Variants in TEF observed in about 807,000 individuals in gnomAD.
TEF encodes the protein TEF transcription factor, PAR bZIP family member.
TEF carries 3 observed loss-of-function variants against 20.8 expected under a neutral mutation model. The ratio of observed to expected loss-of-function variants is 0.14; its 90% CI spans 0.07 to 0.37. The LOEUF (loss-of-function observed/expected upper bound fraction) is 0.37, where lower values mean the gene tolerates loss of function less well. Ranked by LOEUF, TEF falls within the 10% of genes least tolerant of loss-of-function variation. TEF has a pLI of 1.00. For synonymous variants in TEF, 180 were observed against 171.1 expected (o/e 1.05, Z -0.41); for missense variants, 296 against 397.9 (o/e 0.74, Z 2.18).
chr22:41,377,569 G>C (rs1043759418), upstream of TEF, among the ~76,000 whole-genome samples: 1 of 152,214 alleles, frequency 6.6e-6, no homozygotes, highest in African/African-American at 2.4e-5. Flanking sequence ...CCACTTTAGT[G>C]ATAGGAGACA....
chr22:41,386,795 T>G (rs1427425547), intron 1 of TEF, among the ~76,000 whole-genome samples: 2 of 152,026 alleles, frequency 1.3e-5, no homozygotes, highest in East Asian at 3.9e-4. Flanking sequence ...GGCTCATGCC[T>G]GTAATCCCAG....
At chr22:41,392,558 C>T (rs561680974) in intron 2 of TEF, among the ~76,000 whole-genome samples, 2 of 150,512 alleles carry the variant, frequency 1.3e-5, no homozygotes, top group East Asian at 3.9e-4. Context: ...CCAGTAGTCC[C>T]AGCTACTTGG....
At chr22:41,387,981 C>G (rs1244377181) in intron 2 of TEF, among the ~76,000 whole-genome samples, 1 of 90,518 alleles carries the variant, frequency 1.1e-5, no homozygotes, top group Non-Finnish European at 2.3e-5. Context: ...CTCAATGCTG[C>G]TCTTTTTTTT....
At chr22:41,376,983 A>G (rs2036949721), upstream of TEF, among the ~76,000 whole-genome samples, 1 of 152,202 alleles carries the variant, frequency 6.6e-6, no homozygotes, top group Non-Finnish European at 1.5e-5. Context: ...TAAAGAAACC[A>G]GTGTGGTCTT....
chr22:41,374,861 C>G (rs911540661), intron 1 of TEF, among the ~76,000 whole-genome samples: 1 of 151,992 alleles, frequency 6.6e-6, no homozygotes, highest in Non-Finnish European at 1.5e-5. Flanking sequence ...CTTGTTGTTT[C>G]AAGGGTAGCA....
At chr22:41,382,936 C>G in intron 1 of TEF, 2 of 471,010 alleles carry the variant, frequency 4.2e-6, no homozygotes, top group South Asian at 3.1e-5. Flanking sequence ...CAGGACTGAG[C>G]TTCATCTTTT....
At chr22:41,377,474 G>A (rs575868463), upstream of TEF, among the ~76,000 whole-genome samples, 25 of 152,010 alleles carry the variant, frequency 1.6e-4, no homozygotes, top group Non-Finnish European at 3.1e-4. Context: ...TTTCTTTGTC[G>A]GGCTCACAAA....
At chr22:41,394,027 TG>T in intron 2 of TEF, 68 bp from the exon 3 acceptor site, 1 of 1,445,214 alleles carries the variant, frequency 6.9e-7, no homozygotes, top group Non-Finnish European at 9.6e-7. Context: ...ACCAGGTGTC[TG>T]GGTGTGTGGC....
In TEF at chr22:41,369,230, G is replaced by A. The variant is rs767129091; in HGVS notation, c.67+1631G>A. 7 of 985,334 alleles carry A rather than the reference G, an allele frequency of 7.1e-6. No homozygotes were observed. In the African/African-American group the frequency reaches 1.0e-4, roughly 15 times the overall value. 61.0% of individuals were successfully genotyped at this position (985,334 alleles called of 1,614,324 possible). ...CCGGTCTCTGGCTCCCAGCTGGTCT[G>A]TGGGGCCCTGCAATAGCCGAAAAGT... On this transcript the variant is annotated intron_variant, in intron 1 of 3. Transcript: ENST00000406644.
intron 1 of TEF, among the ~76,000 whole-genome samples, chr22:41,372,374 C>T (rs1261286659): frequency 2.0e-5 from 3 of 152,168 alleles, no homozygotes; most frequent in Non-Finnish European, 2.9e-5. Context: ...TGCTGCAGGA[C>T]GGGCTCCTGA....
At chr22:41,385,960 C>T (rs527962666) in intron 1 of TEF, among the ~76,000 whole-genome samples, 11 of 150,836 alleles carry the variant, frequency 7.3e-5, no homozygotes, top group African/African-American at 2.2e-4. Context: ...GCTGGGATTA[C>T]AGGTGTGAGC....
At position 41,375,489 on chromosome 22, in the gene TEF, G is replaced by A. The variant is rs547994958; in HGVS notation, c.67+7890G>A. On this transcript the variant is annotated intron_variant, in intron 1 of 3. Coordinates refer to the TEF transcript ENST00000406644. ...AATGCGGCCGGGCGTGGTGGCACAC[G>A]CCTGTAATCCCAGCACTTTGGGAGG... Among the ~76,000 whole-genome samples the A allele has an allele frequency of 9.2e-5, 14 of 152,316 alleles. No individual in the cohort carries two copies. In the South Asian group the frequency reaches 1.2e-3, roughly 14 times the overall value.
intron 1 of TEF, among the ~76,000 whole-genome samples, chr22:41,372,644 C>T (rs1374602888): frequency 2.0e-5 from 3 of 152,168 alleles, no homozygotes; most frequent in African/African-American, 7.2e-5. Flanking sequence ...CACCCAGCCA[C>T]TCATCACGTG....
At chr22:41,395,566 GCC>G (rs2037217234) in intron 3 of TEF, among the ~76,000 whole-genome samples, 177 bp from the exon 4 acceptor site, 1 of 152,032 alleles carries the variant, frequency 6.6e-6, no homozygotes, top group Non-Finnish European at 1.5e-5. Flanking sequence ...TTCTCGTCCT[GCC>G]CCCGAGGAAA....
rs1454306451 is a variant in TEF at position 41,395,874 on chromosome 22, C to T, written c.826C>T (p.Arg276Trp). 3.1e-6 allele frequency: 5 copies of T among 1,614,206 alleles called. No individual in the cohort carries two copies. Among genetic ancestry groups the T allele is most frequent in the Admixed American group, 1.7e-5 (1 of 60,032 alleles). The change falls in exon 4 of 4, where the codon CGG (arginine) becomes TGG (tryptophan). Residue 276 changes from arginine (R) to tryptophan (W), a missense_variant. Arg to Trp is a moderately radical substitution (Grantham distance 101). Around this residue, in one of 2 missense-constraint regions of TEF, gnomAD observed 194 missense variants for 317.8 expected, o/e 0.61. Transcript: ENST00000266304. ...CCTGGAGAAGGAGAACACAGCCCTG[C>T]GGACGGAGGTGGCCGAGCTACGCAA... Reference protein sequence around the residue: ...AFLEKENTALRTEVAELRKEV... With the variant: ...AFLEKENTALWTEVAELRKEV...
At chr22:41,368,270 C>T (rs1173549432) in intron 1 of TEF, among the ~76,000 whole-genome samples, 1 of 151,654 alleles carries the variant, frequency 6.6e-6, no homozygotes, top group African/African-American at 2.4e-5. Flanking sequence ...AATCTCTCTC[C>T]AAATCTCTTC....
Position 41,396,022 on chromosome 22 carries a change from T to C in TEF, c.*62T>C, listed in dbSNP as rs2037223505. 1.7e-5 allele frequency: 27 copies of C among 1,545,698 alleles called. No individual in the cohort carries two copies. The highest frequency in any genetic ancestry group is 2.4e-5 in the Non-Finnish European group (27 of 1,132,612). On this transcript the variant is annotated 3_prime_UTR_variant, in exon 4 of 4. Coordinates refer to ENST00000266304, the MANE Select transcript of TEF (RefSeq NM_003216.4). ...CTCAGACCTCTGCCTGGGGGCTCCCTGTAACCCCTCACACGCGTGGAGACT... is the reference window on the plus strand; with the variant it reads ...CTCAGACCTCTGCCTGGGGGCTCCCCGTAACCCCTCACACGCGTGGAGACT...
At chr22:41,379,779 G>C (rs1216961874), upstream of TEF, among the ~76,000 whole-genome samples, 2 of 151,172 alleles carry the variant, frequency 1.3e-5, no homozygotes, top group African/African-American at 2.4e-5. Flanking sequence ...TGTAATCCCA[G>C]CTATTCGGGA....
rs768523520 is a variant in TEF, at chr22:41,396,939, A to G, written c.*979A>G. On this transcript the variant is annotated 3_prime_UTR_variant, in exon 4 of 4. Coordinates refer to ENST00000266304, the MANE Select transcript of TEF (RefSeq NM_003216.4). ...GAAAATGCCTCCACAGCCCCCTTCC[A>G]CCATGGGCATGAGAGCTGGGGTGTG... 4.0e-5 allele frequency: 16 copies of G among 398,252 alleles called. No homozygotes were observed. Among genetic ancestry groups the G allele is most frequent in the African/African-American group, 6.2e-5 (3 of 48,484 alleles). 24.7% of individuals were successfully genotyped at this position (398,252 alleles called of 1,614,324 possible).
Sources: gnomAD v4.1 joint callset for allele counts (sites outside exome capture counted in the v4.1 genomes callset) on GRCh38, gnomAD v4.1.1 for gene constraint, gnomAD v4.1.1 regional missense constraint, MANE v1.5 for transcripts, NCBI Gene and HGNC (gene_info 2026-07-23, HGNC 2026-07-21) for gene names.